PTPRT: variants seen among roughly 807,000 people sequenced by gnomAD.
The protein encoded by PTPRT is receptor-type tyrosine-protein phosphatase T.
PTPRT carries 56 observed loss-of-function variants against 176.8 expected under a neutral mutation model. That is an observed-to-expected ratio of 0.32 (90% CI 0.26 to 0.40). PTPRT has a LOEUF of 0.40. PTPRT is among the 10% of genes least tolerant of loss of function. The pLI, the probability that PTPRT is intolerant of heterozygous loss-of-function variation, is 1.00. For synonymous variants in PTPRT, 783 were observed against 739.0 expected (o/e 1.06, Z -0.96); for missense variants, 1,540 against 1,908.2 (o/e 0.81, Z 3.60).
chr20:42,942,350 A>G (rs73907417), intron 1 of PTPRT, among the ~76,000 whole-genome samples: 5,011 of 152,256 alleles, frequency 0.033, 176 homozygotes, highest in African/African-American at 0.092. Context: ...ACATATACAA[A>G]CAAATGACAC....
At chr20:42,256,015 A>C (rs959045084) in intron 13 of PTPRT, among the ~76,000 whole-genome samples, 10 of 152,268 alleles carry the variant, frequency 6.6e-5, no homozygotes, top group Admixed American at 5.9e-4. Context: ...TCTTTTGTTG[A>C]AGAGTTTCTC....
intron 11 of PTPRT, among the ~76,000 whole-genome samples, chr20:42,337,053 C>G (rs1568787180): frequency 6.6e-6 from 1 of 152,118 alleles, no homozygotes; most frequent in Non-Finnish European, 1.5e-5. Flanking sequence ...TCTTTTTGAG[C>G]TGTGGCATGG....
intron 17 of PTPRT, among the ~76,000 whole-genome samples, chr20:42,143,922 G>A (rs1294298354): frequency 1.3e-5 from 2 of 152,216 alleles, no homozygotes; most frequent in African/African-American, 4.8e-5. Flanking sequence ...AGTTGGGGTA[G>A]TTACTGATCA....
chr20:42,117,926 A>G (rs951580570), intron 21 of PTPRT, among the ~76,000 whole-genome samples: 1 of 152,220 alleles, frequency 6.6e-6, no homozygotes, highest in African/African-American at 2.4e-5. Context: ...GAAAAAAATT[A>G]TTGAGTAGAA....
chr20:42,738,702 A>T (rs1263498808), intron 6 of PTPRT, among the ~76,000 whole-genome samples: 1 of 152,178 alleles, frequency 6.6e-6, no homozygotes, highest in Non-Finnish European at 1.5e-5. Flanking sequence ...TGTCACATTA[A>T]TCAGTCAACT....
At chr20:42,325,902 G>A (rs938092212) in intron 11 of PTPRT, among the ~76,000 whole-genome samples, 4 of 151,996 alleles carry the variant, frequency 2.6e-5, no homozygotes, top group Non-Finnish European at 5.9e-5. Flanking sequence ...CCCCACACAC[G>A]CTCCCATTTC....
chr20:43,058,284 A>G (rs566604010), intron 1 of PTPRT, among the ~76,000 whole-genome samples: 9 of 152,202 alleles, frequency 5.9e-5, no homozygotes, highest in Non-Finnish European at 1.0e-4. Flanking sequence ...ATATGAGGAA[A>G]GTAGTGAGAG....
At chr20:43,029,421 G>A (rs1986045604) in intron 1 of PTPRT, among the ~76,000 whole-genome samples, 1 of 152,202 alleles carries the variant, frequency 6.6e-6, no homozygotes, top group African/African-American at 2.4e-5. Context: ...ATGGCATCAC[G>A]CCACAAATGG....
intron 11 of PTPRT, among the ~76,000 whole-genome samples, chr20:42,348,033 C>T (rs1171115573): frequency 2.6e-5 from 4 of 152,200 alleles, no homozygotes; most frequent in African/African-American, 7.2e-5. Context: ...GCTCACTTCC[C>T]TAAACATACT....
intron 2 of PTPRT, among the ~76,000 whole-genome samples, chr20:42,870,944 ATTTTC>A (rs1048484427): frequency 9.0e-5 from 13 of 144,512 alleles, no homozygotes; most frequent in South Asian, 2.2e-4. Context: ...TGCTAAACAT[ATTTTC>A]TTTTCTTTTT....
At chr20:42,353,447 G>A (rs1339001410) in intron 9 of PTPRT, among the ~76,000 whole-genome samples, 1 of 152,106 alleles carries the variant, frequency 6.6e-6, no homozygotes, top group African/African-American at 2.4e-5. Flanking sequence ...GTTTGTCTAT[G>A]GTATATGAAG....
In PTPRT at chr20:42,696,241, C is replaced by T. The variant is rs554793235; in HGVS notation, c.860-18082G>A. On this transcript the variant is annotated intron_variant, in intron 6 of 30. Transcript: ENST00000373187. ...ACTTTCCCCTGATCTCTTTTTTCCT[C>T]TATTTCTCTCCTCCTGTCCCCCTTC... Among the ~76,000 whole-genome samples, 8 of 150,790 alleles carry T rather than the reference C, an allele frequency of 5.3e-5. No individual in the cohort carries two copies. The South Asian group carries it at 1.5e-3, about 28-fold the overall frequency.
intron 7 of PTPRT, among the ~76,000 whole-genome samples, chr20:42,646,609 T>C (rs1190158142): frequency 6.6e-6 from 1 of 152,100 alleles, no homozygotes; most frequent in Non-Finnish European, 1.5e-5. Flanking sequence ...CTCCAAAAAT[T>C]ACATTTTGAG....
chr20:42,127,560 G>C (rs771777249), intron 19 of PTPRT, among the ~76,000 whole-genome samples: 1 of 152,118 alleles, frequency 6.6e-6, no homozygotes, highest in Non-Finnish European at 1.5e-5. Context: ...TAGATTAAGG[G>C]GGAATTCACA....
At chr20:42,276,322 G>A (rs1289214571) in intron 13 of PTPRT, among the ~76,000 whole-genome samples, 1 of 150,386 alleles carries the variant, frequency 6.6e-6, no homozygotes, top group African/African-American at 2.4e-5. Context: ...TCTTCACTTT[G>A]GATCTAACCT....
intron 17 of PTPRT, among the ~76,000 whole-genome samples, chr20:42,160,660 C>A (rs1016306058): frequency 1.1e-4 from 16 of 152,186 alleles, no homozygotes; most frequent in Non-Finnish European, 4.4e-5. Context: ...ATAAGAAGAA[C>A]AACGTTGTAT....
chr20:42,867,791 C>G (rs1437209194), intron 2 of PTPRT, among the ~76,000 whole-genome samples: 1 of 149,680 alleles, frequency 6.7e-6, no homozygotes, highest in Non-Finnish European at 1.5e-5. Context: ...AAGCGATTCT[C>G]CTGCATCAGC....
chr20:42,945,398 G>T (rs915432535), intron 1 of PTPRT, among the ~76,000 whole-genome samples: 3 of 152,148 alleles, frequency 2.0e-5, no homozygotes, highest in African/African-American at 7.2e-5. Context: ...TTTAAATCCG[G>T]CCACTGAGGA....
the PTPRT span, among the ~76,000 whole-genome samples, chr20:42,061,287 A>G: frequency 6.6e-6 from 1 of 151,992 alleles, no homozygotes; most frequent in Non-Finnish European, 1.5e-5. Context: ...AAAGTCTGAG[A>G]GTGTTGTGTG....
Sources: gnomAD v4.1 joint callset for allele counts (sites outside exome capture counted in the v4.1 genomes callset) on GRCh38, gnomAD v4.1.1 for gene constraint, MANE v1.5 for transcripts, NCBI Gene and HGNC (gene_info 2026-07-23, HGNC 2026-07-21) for gene names.